Variants in MYRIP observed in about 807,000 individuals in gnomAD.
The protein encoded by MYRIP is rab effector MyRIP.
Under a neutral mutation model 98.0 loss-of-function variants are expected in MYRIP, and 49 were observed. That is an observed-to-expected ratio of 0.50 (90% CI 0.40 to 0.63). The LOEUF (loss-of-function observed/expected upper bound fraction) is 0.63, where lower values mean the gene tolerates loss of function less well. Among genes scored for constraint, MYRIP ranks in the 30% least tolerant of loss-of-function variants. The pLI, the probability that MYRIP is intolerant of heterozygous loss-of-function variation, is 0.00. For missense variants in MYRIP, 1,004 were observed against 1,058.2 expected, an observed-to-expected ratio of 0.95 and a Z score of 0.71; for synonymous variants, 404 against 409.5, an observed-to-expected ratio of 0.99 and a Z score of 0.16.
intron 9 of MYRIP, among the ~76,000 whole-genome samples, chr3:40,186,539 AG>A (rs1575606978): frequency 6.6e-6 from 1 of 152,002 alleles, no homozygotes; most frequent in African/African-American, 2.4e-5. Context: ...CAAGCAAAAG[AG>A]GGGGGATACT....
intron 2 of MYRIP, among the ~76,000 whole-genome samples, chr3:39,976,925 T>G (rs1229731683): frequency 6.6e-6 from 1 of 152,008 alleles, no homozygotes; most frequent in Admixed American, 6.6e-5. Context: ...AGGGATAACA[T>G]TAGGAGATAT....
intron 3 of MYRIP, among the ~76,000 whole-genome samples, chr3:40,149,827 G>A (rs547781699): frequency 6.6e-6 from 1 of 152,150 alleles, no homozygotes; most frequent in South Asian, 2.1e-4. Context: ...TTCCTTCCTT[G>A]TATAGATTGT....
chr3:39,979,650 C>CAAAAAAAAAAAA (rs1400253573), intron 2 of MYRIP, among the ~76,000 whole-genome samples: 7 of 78,998 alleles, frequency 8.9e-5, no homozygotes, highest in Admixed American at 1.4e-4. Flanking sequence ...AAAACCAAAA[C>CAAAAAAAAAAAA]AAAACAAAAA....
intron 10 of MYRIP, 28 bp from the exon 11 acceptor site, chr3:40,209,826 T>C: frequency 1.2e-6 from 2 of 1,613,142 alleles, no homozygotes; most frequent in Non-Finnish European, 1.7e-6. Flanking sequence ...AGAGGGCTCC[T>C]CATCTCATGA....
At chr3:40,083,805 T>C (rs1317234761) in intron 3 of MYRIP, among the ~76,000 whole-genome samples, 2 of 151,966 alleles carry the variant, frequency 1.3e-5, no homozygotes, top group East Asian at 3.9e-4. Flanking sequence ...TGTGAATTCC[T>C]TATCTGGGGA....
At chr3:40,108,376 C>A (rs1949095370) in intron 3 of MYRIP, among the ~76,000 whole-genome samples, 1 of 150,348 alleles carries the variant, frequency 6.7e-6, no homozygotes, top group African/African-American at 2.4e-5. Context: ...AGGGGTCTTG[C>A]AGAGAAGAGA....
intron 11 of MYRIP, among the ~76,000 whole-genome samples, chr3:40,213,617 C>CACAG (rs778928054): frequency 2.0e-5 from 3 of 149,366 alleles, no homozygotes; most frequent in Non-Finnish European, 4.4e-5. Context: ...GCAACACACA[C>CACAG]ACACACACAC....
intron 3 of MYRIP, among the ~76,000 whole-genome samples, chr3:40,076,599 C>T (rs190740094): frequency 6.6e-6 from 1 of 152,326 alleles, no homozygotes; most frequent in Non-Finnish European, 1.5e-5. Flanking sequence ...GGGAGGAGAG[C>T]ATGGAGGAGG....
At chr3:39,842,056 C>G (rs984169993) in intron 1 of MYRIP, among the ~76,000 whole-genome samples, 3 of 152,204 alleles carry the variant, frequency 2.0e-5, no homozygotes, top group Non-Finnish European at 2.9e-5. Flanking sequence ...GCTGTGCCCA[C>G]AGCCGCCCCT....
In MYRIP at chr3:40,256,348, A is replaced by AAACAT. The variant is rs200091397; in HGVS notation, c.2548-1785_2548-1781dup. Among the ~76,000 whole-genome samples, 1,084 of 152,290 alleles carry AAACAT rather than the reference A, an allele frequency of 7.1e-3. 6 individuals carry two copies. The highest frequency in any genetic ancestry group is 0.015 in the African/African-American group (608 of 41,560). The stretch of plus-strand genomic sequence containing the variant: ...CACAGGGCACTTACTTACAAAATGA[A>AAACAT]AACATTACATATATCAAAGCAAATA... On this transcript the variant is annotated intron_variant, in intron 16 of 16. Transcript: ENST00000302541.
chr3:39,897,736 GC>G (rs1943647164), intron 1 of MYRIP, among the ~76,000 whole-genome samples: 1 of 151,902 alleles, frequency 6.6e-6, no homozygotes, highest in African/African-American at 2.4e-5. Flanking sequence ...AAAGGAAGAA[GC>G]TTTTACCAAT....
intron 1 of MYRIP, among the ~76,000 whole-genome samples, chr3:39,878,014 G>A (rs549839567): frequency 3.3e-5 from 5 of 152,258 alleles, no homozygotes; most frequent in East Asian, 1.9e-4. Flanking sequence ...CGAGCTTCCC[G>A]GCTGCTTTGT....
rs559840892 is a variant in MYRIP at position 39,988,825 on chromosome 3, C to T, written c.111-55225C>T. On this transcript the variant is annotated intron_variant, in intron 2 of 16. Coordinates refer to ENST00000302541, the MANE Select transcript of MYRIP (RefSeq NM_015460.4). ...ATTTGGCTATTGATACTTGTGTATG[C>T]GTCATGAAGTTCTTGTGCTGTGTTT... is the stretch of plus-strand genomic sequence containing the variant. Among the ~76,000 whole-genome samples the T allele has an allele frequency of 6.6e-5, 10 of 151,248 alleles. No individual in the cohort carries two copies. The East Asian group carries it at 9.8e-4, about 15-fold the overall frequency.
At chr3:40,255,449 C>T (rs1276571428) in intron 16 of MYRIP, among the ~76,000 whole-genome samples, 3 of 152,144 alleles carry the variant, frequency 2.0e-5, no homozygotes, top group Non-Finnish European at 2.9e-5. Flanking sequence ...ATGTGGCTTT[C>T]ACCTCAATAT....
chr3:40,068,209 A>G (rs961154063), intron 3 of MYRIP, among the ~76,000 whole-genome samples: 2 of 152,224 alleles, frequency 1.3e-5, no homozygotes, highest in Admixed American at 1.3e-4. Context: ...CTCTTCTTAA[A>G]TAGTACTATG....
At chr3:40,227,361 G>A (rs984934793) in intron 11 of MYRIP, among the ~76,000 whole-genome samples, 16 of 152,092 alleles carry the variant, frequency 1.1e-4, no homozygotes, top group South Asian at 2.1e-4. Context: ...ATGAAAAACC[G>A]GGAAACAACA....
intron 3 of MYRIP, among the ~76,000 whole-genome samples, chr3:40,049,867 T>C (rs1947754918): frequency 6.6e-6 from 1 of 152,080 alleles, no homozygotes; most frequent in African/African-American, 2.4e-5. Flanking sequence ...AGAAAGTTTG[T>C]GAGGTCTGGA....
intron 2 of MYRIP, among the ~76,000 whole-genome samples, chr3:39,976,789 C>T (rs923871002): frequency 9.2e-5 from 14 of 152,084 alleles, no homozygotes; most frequent in Non-Finnish European, 2.1e-4. Context: ...AGCAAACTAT[C>T]ACAAGGACAA....
At chr3:40,165,748 C>T (rs1325990583) in intron 5 of MYRIP, among the ~76,000 whole-genome samples, 1 of 81,436 alleles carries the variant, frequency 1.2e-5, no homozygotes, top group Non-Finnish European at 2.4e-5. Flanking sequence ...TCATTTGTTG[C>T]CATATCTTAA....
Sources: allele counts gnomAD v4.1 joint callset (sites outside exome capture counted in the v4.1 genomes callset), GRCh38; gene constraint gnomAD v4.1.1; transcripts MANE v1.5; gene names NCBI Gene and HGNC (gene_info 2026-07-23, HGNC 2026-07-21).